Variants in CEP89 observed in about 807,000 individuals in gnomAD.
CEP89 encodes centrosomal protein of 89 kDa.
CEP89 carries 95 observed loss-of-function variants against 97.6 expected under a neutral mutation model. The observed-to-expected ratio is 0.97, with a 90% CI of 0.82 to 1.15. CEP89 has a LOEUF of 1.15. Ranked by LOEUF, CEP89 falls within the 50% of genes most tolerant of loss-of-function variation. CEP89 has a pLI of 0.00. For missense variants in CEP89, 869 were observed against 947.7 expected (o/e 0.92, Z 1.09); for synonymous variants, 354 against 349.1 (o/e 1.01, Z -0.16).
chr19:32,940,437 C>T (rs1259877821), intron 5 of CEP89, among the ~76,000 whole-genome samples: 1 of 151,400 alleles, frequency 6.6e-6, no homozygotes, highest in African/African-American at 2.4e-5. Flanking sequence ...ACACTCCTCC[C>T]CATCACGCTC....
At chr19:32,950,794 G>A (rs1024567526) in intron 4 of CEP89, among the ~76,000 whole-genome samples, 1 of 152,152 alleles carries the variant, frequency 6.6e-6, no homozygotes, top group African/African-American at 2.4e-5. Context: ...TCTGTCATCA[G>A]TAAAATGAAT....
chr19:32,896,030 G>T (rs1221502239), intron 16 of CEP89, among the ~76,000 whole-genome samples: 2 of 152,244 alleles, frequency 1.3e-5, no homozygotes, highest in East Asian at 1.9e-4. Context: ...TCATTAAAAT[G>T]ACCAGACTCC....
At chr19:32,959,215 C>G (rs932677861) in intron 3 of CEP89, among the ~76,000 whole-genome samples, 2 of 151,988 alleles carry the variant, frequency 1.3e-5, no homozygotes, top group African/African-American at 4.8e-5. Context: ...TCCTCCAGCC[C>G]CATCTCGCAT....
intron 2 of CEP89, among the ~76,000 whole-genome samples, chr19:32,964,134 T>C (rs180867088): frequency 6.6e-6 from 1 of 152,284 alleles, no homozygotes; most frequent in East Asian, 1.9e-4. Flanking sequence ...TATAGATATT[T>C]ACCCGAGAAA....
chr19:32,919,701 G>T (rs1323841371), intron 12 of CEP89, among the ~76,000 whole-genome samples: 1 of 152,220 alleles, frequency 6.6e-6, no homozygotes, highest in African/African-American at 2.4e-5. Context: ...GTCTCACTCT[G>T]TTGCCCAGGC....
intron 14 of CEP89, among the ~76,000 whole-genome samples, chr19:32,906,907 C>T (rs938426376): frequency 6.6e-6 from 1 of 152,128 alleles, no homozygotes; most frequent in Non-Finnish European, 1.5e-5. Flanking sequence ...AATTTTAGAG[C>T]TTCTCTGTCT....
At position 32,926,281 on chromosome 19, in the gene CEP89, T is replaced by A; in HGVS notation, c.1081-8A>T. On this transcript the variant is annotated splice_polypyrimidine_tract_variant and splice_region_variant and intron_variant, in intron 10 of 18. Transcript: ENST00000305768. The stretch of plus-strand genomic sequence containing the variant: ...CAGGTACTTTATATCCAACTGAAGA[T>A]AGAGAGTAAAGGAAGGTTAATATAT... 6.3e-7 allele frequency: 1 copy of A among 1,593,516 alleles called. No individual in the cohort carries two copies. Among genetic ancestry groups the A allele is most frequent in the Non-Finnish European group, 8.6e-7 (1 of 1,162,126 alleles).
At chr19:32,902,219 T>A (rs908698786) in intron 14 of CEP89, among the ~76,000 whole-genome samples, 2 of 152,158 alleles carry the variant, frequency 1.3e-5, no homozygotes, top group African/African-American at 4.8e-5. Flanking sequence ...GGGCACTTAT[T>A]TTGCTGAACA....
intron 5 of CEP89, among the ~76,000 whole-genome samples, chr19:32,945,025 G>A (rs898466602): frequency 1.2e-4 from 18 of 152,182 alleles, no homozygotes; most frequent in Non-Finnish European, 1.3e-4. Flanking sequence ...CTCATGTGTT[G>A]TCCAAGGATC....
intron 4 of CEP89, 45 bp downstream of exon 4, chr19:32,953,570 C>T: frequency 6.8e-7 from 1 of 1,474,256 alleles, no homozygotes; most frequent in South Asian, 1.2e-5. Context: ...CAAAAGTTAA[C>T]ATCAGGGTGA....
At chr19:32,943,220 T>C (rs11670762) in intron 5 of CEP89, among the ~76,000 whole-genome samples, 21,641 of 152,220 alleles carry the variant, frequency 0.14, 1,928 homozygotes, top group Non-Finnish European at 0.21. Flanking sequence ...TGGTCTCAAA[T>C]TCCTGGGCTC....
Position 32,971,933 on chromosome 19 carries a change from C to T in CEP89, c.-59G>A, listed in dbSNP as rs1259571762. 39 of 1,543,156 alleles carry T rather than the reference C, an allele frequency of 2.5e-5. No individual in the cohort carries two copies. The South Asian group carries it at 4.4e-4, about 17-fold the overall frequency. The stretch of plus-strand genomic sequence containing the variant: ...GACTCATCAGCAGATCTATCCACAG[C>T]CAGGGACCACTCCCTAAAGCCCGCC... On this transcript the variant is annotated 5_prime_UTR_variant, in exon 1 of 19. Coordinates refer to ENST00000305768, the MANE Select transcript of CEP89 (RefSeq NM_032816.5).
chr19:32,947,275 T>C (rs548726779), intron 5 of CEP89, among the ~76,000 whole-genome samples: 26 of 152,130 alleles, frequency 1.7e-4, no homozygotes, highest in Non-Finnish European at 3.5e-4. Context: ...CAAATAGATA[T>C]ATGTCCACGT....
chr19:32,918,879 T>C (rs28620755), intron 12 of CEP89, among the ~76,000 whole-genome samples: 2 of 21,240 alleles, frequency 9.4e-5, no homozygotes, highest in South Asian at 1.1e-3. Context: ...TTTCTTTTTC[T>C]TTTTCTTTTT....
At position 32,879,243 on chromosome 19, in the gene CEP89, G is replaced by A. The variant is rs778203858; in HGVS notation, c.2271C>T (p.Leu757=). 6.2e-7 allele frequency: 1 copy of A among 1,614,242 alleles called. No individual in the cohort carries two copies. Among genetic ancestry groups the A allele is most frequent in the Non-Finnish European group, 8.5e-7 (1 of 1,180,036 alleles). The part of the protein sequence containing the change: ...DNPRALVAPS[L]NGVSQADLLD... ...GCAGGTCTGCCTGAGAGACGCCATT[G>A]AGGCTGGGGGCAACCAGAGCTCTGG... Residue 757 remains leucine (L), a synonymous_variant, in exon 19 of 19, where the codon CTC becomes CTT. Transcript: ENST00000305768.
chr19:32,931,481 T>G lies in CEP89; in HGVS notation c.977A>C (p.Asn326Thr). The change falls in exon 9 of 19, where the codon AAT becomes ACT. Residue 326 changes from asparagine (N) to threonine (T), a missense_variant. By Grantham distance (65) the Asn-to-Thr change is moderately conservative (BLOSUM62 0). Coordinates refer to ENST00000305768, the MANE Select transcript of CEP89 (RefSeq NM_032816.5). ...DGLKMTVHRL[N>T]VELSRYQTKF... is the part of the protein sequence containing the mutation. ...TGTCTGATATCGACTGAGTTCTACA[T>G]TCAAACGATGGACAGTCATTTTCAA... is the stretch of plus-strand genomic sequence containing the variant. The G allele has an allele frequency of 6.3e-7, 1 of 1,596,150 alleles. No individual in the cohort carries two copies. Among genetic ancestry groups the G allele is most frequent in the Non-Finnish European group, 8.5e-7 (1 of 1,176,080 alleles).
In CEP89 at chr19:32,878,825, G is replaced by T; in HGVS notation, c.*337C>A. ...TCAACAAAAAAGAAAAAAATTAGCT[G>T]GGCCTGACAGTGCACACCTGAGGTC... On this transcript the variant is annotated 3_prime_UTR_variant, in exon 19 of 19. Coordinates refer to ENST00000305768, the MANE Select transcript of CEP89 (RefSeq NM_032816.5). 4.8e-6 allele frequency: 1 copy of T among 207,628 alleles called. No homozygotes were observed. The highest frequency in any genetic ancestry group is 5.8e-5 in the Admixed American group (1 of 17,312). 12.9% of individuals were successfully genotyped at this position (207,628 alleles called of 1,614,324 possible).
At position 32,891,343 on chromosome 19, in the gene CEP89, G is replaced by GCGCACA. The variant is rs1555788235; in HGVS notation, c.1876-3503_1876-3502insTGTGCG. On this transcript the variant is annotated intron_variant, in intron 16 of 18. Coordinates refer to ENST00000305768, the MANE Select transcript of CEP89 (RefSeq NM_032816.5). ...TGTCCCACCATGTTGGTTGCCCCAG[G>GCGCACA]CACACACACAAACACACACACACAC... 6.5e-5 allele frequency among the ~76,000 whole-genome samples: 8 copies of GCGCACA among 123,266 alleles called. No homozygotes were observed. In the East Asian group the frequency reaches 1.9e-3, roughly 29 times the overall value. The allele number at this position is 123,266 out of a possible 152,430, so 80.9% of individuals were successfully genotyped here.
At position 32,961,754 on chromosome 19, in the gene CEP89, C is replaced by T. The variant is rs140516764; in HGVS notation, c.147-1696G>A. ...AACCTCCTGGGCTCAAGTGATCCTCCCACCTCAGTATCTTGAATAGCTGGG... is the reference window on the plus strand; with the variant it reads ...AACCTCCTGGGCTCAAGTGATCCTCTCACCTCAGTATCTTGAATAGCTGGG... On this transcript the variant is annotated intron_variant, in intron 2 of 18. Transcript: ENST00000305768. Among the ~76,000 whole-genome samples the T allele has an allele frequency of 2.8e-3, 426 of 152,018 alleles. 3 individuals are homozygous for T. The highest frequency in any genetic ancestry group is 9.6e-3 in the African/African-American group (399 of 41,476).
Sources: allele counts gnomAD v4.1 joint callset (sites outside exome capture counted in the v4.1 genomes callset), GRCh38; gene constraint gnomAD v4.1.1; transcripts MANE v1.5; gene names NCBI Gene and HGNC (gene_info 2026-07-23, HGNC 2026-07-21).